The following CFAP44 variants were observed in gnomAD, a reference collection of about 807,000 sequenced individuals.
The protein encoded by CFAP44 is cilia and flagella associated protein 44, also known as cilia- and flagella-associated protein 44.
A neutral mutation model predicts 216.2 loss-of-function variants in CFAP44; 134 were observed. That is an observed-to-expected ratio of 0.62 (90% CI 0.54 to 0.72). The LOEUF (loss-of-function observed/expected upper bound fraction) is 0.72, where lower values mean the gene tolerates loss of function less well. Ranked by LOEUF, CFAP44 falls within the 30% of genes least tolerant of loss-of-function variation. The pLI is 0.00. For missense variants in CFAP44, 2,035 were observed against 2,182.1 expected (o/e 0.93, Z 1.34); for synonymous variants, 700 against 727.6 (o/e 0.96, Z 0.61).
chr3:113,307,260 AT>A (rs1949995147), intron 29 of CFAP44, among the ~76,000 whole-genome samples: 1 of 152,260 alleles, frequency 6.6e-6, no homozygotes, highest in South Asian at 2.1e-4. Flanking sequence ...TAAAATATAT[AT>A]GTAAATTACA....
chr3:113,303,780 G>T, intron 32 of CFAP44, 136 bp downstream of exon 32: 1 of 906,632 alleles, frequency 1.1e-6, no homozygotes, highest in Non-Finnish European at 1.6e-6. Flanking sequence ...GTAGGAAGAT[G>T]TTGTGGTGTT....
intron 34 of CFAP44, among the ~76,000 whole-genome samples, chr3:113,292,812 T>C (rs993547091): frequency 6.6e-6 from 1 of 152,246 alleles, no homozygotes; most frequent in Non-Finnish European, 1.5e-5. Flanking sequence ...TTAGAGCCCA[T>C]GAAAGCTAAA....
At chr3:113,368,407 C>G (rs2107320306) in intron 18 of CFAP44, among the ~76,000 whole-genome samples, 1 of 152,318 alleles carries the variant, frequency 6.6e-6, no homozygotes, top group Non-Finnish European at 1.5e-5. Context: ...AGAAACCCTA[C>G]AAGCCAGAAG....
intron 28 of CFAP44, among the ~76,000 whole-genome samples, chr3:113,310,637 G>T (rs906593694): frequency 6.6e-6 from 1 of 152,196 alleles, no homozygotes; most frequent in Non-Finnish European, 1.5e-5. Context: ...TTGGATCTGT[G>T]TTCCCACCAA....
chr3:113,328,131 TTCTA>T (rs1224712326), intron 26 of CFAP44, among the ~76,000 whole-genome samples: 3 of 151,852 alleles, frequency 2.0e-5, no homozygotes, highest in African/African-American at 4.8e-5. Context: ...TGGGTAGTGT[TTCTA>T]TCTGTCTCCT....
At chr3:113,330,790 G>A in intron 25 of CFAP44, 122 bp from the exon 26 acceptor site, 1 of 1,298,774 alleles carries the variant, frequency 7.7e-7, no homozygotes, top group Non-Finnish European at 1.0e-6. Flanking sequence ...AAATTCATCT[G>A]ATCATACCTT....
intron 22 of CFAP44, among the ~76,000 whole-genome samples, chr3:113,352,557 G>T (rs185990569): frequency 3.5e-4 from 53 of 152,228 alleles, no homozygotes; most frequent in Non-Finnish European, 6.5e-4. Context: ...TGCACAGTTA[G>T]AAAAATATGA....
rs949637589 is a variant in CFAP44, at chr3:113,288,494, G to A, written c.*3063C>T. On this transcript the variant is annotated 3_prime_UTR_variant, in exon 35 of 35. Coordinates refer to ENST00000393845, the MANE Select transcript of CFAP44 (RefSeq NM_001164496.2). ...GTGATTTCAGACAACCTGGCATCAC[G>A]GCCCAGAGCTCACTTCTGGGGTGGG... 6.6e-6 allele frequency: 1 copy of A among 152,170 alleles called. No individual in the cohort carries two copies. The highest frequency in any genetic ancestry group is 2.4e-5 in the African/African-American group (1 of 41,418). The allele number at this position is 152,170 out of a possible 1,614,324, so 9.4% of individuals were successfully genotyped here.
At chr3:113,388,736 A>G (rs1305360721) in intron 15 of CFAP44, among the ~76,000 whole-genome samples, 1 of 152,246 alleles carries the variant, frequency 6.6e-6, no homozygotes. Context: ...TAGAGTAGAA[A>G]TAATTACACT....
In CFAP44 at chr3:113,327,005, AAAAC is replaced by A. The variant is rs375993271; in HGVS notation, c.4321-369_4321-366del. ...GAATTTTTTGTATTGATATATAACTAAAACAAAGAGACATATAATTTCTAGTGAA... is the reference window on the plus strand; with the variant it reads ...GAATTTTTTGTATTGATATATAACTAAAAGAGACATATAATTTCTAGTGAA... On this transcript the variant is annotated intron_variant, in intron 27 of 34. Coordinates refer to ENST00000393845, the MANE Select transcript of CFAP44 (RefSeq NM_001164496.2). Among the ~76,000 whole-genome samples the A allele has an allele frequency of 1.9e-3, 288 of 152,278 alleles. 1 individual carries two copies. Among genetic ancestry groups the A allele is most frequent in the African/African-American group, 5.7e-3 (237 of 41,578 alleles).
At chr3:113,403,752 G>C in intron 9 of CFAP44, 100 bp downstream of exon 9, 2 of 1,337,928 alleles carry the variant, frequency 1.5e-6, no homozygotes, top group Non-Finnish European at 2.0e-6. Flanking sequence ...AATGACTACT[G>C]ATCTCCTTCA....
chr3:113,314,750 G>A (rs1215274227), intron 28 of CFAP44, among the ~76,000 whole-genome samples: 1 of 152,086 alleles, frequency 6.6e-6, no homozygotes, highest in South Asian at 2.1e-4. Flanking sequence ...TTATAAATGG[G>A]GGAGGGTAAA....
Position 113,294,840 on chromosome 3 carries a change from G to C in CFAP44, c.5239-19C>G. ...TCTTTTCCTACCAGGGTGGGAAGAT[G>C]CAAAATAGATGTAGTGAATACGAGA... On this transcript the variant is annotated intron_variant, in intron 33 of 34. Transcript: ENST00000393845. 6.6e-7 allele frequency: 1 copy of C among 1,517,490 alleles called. No homozygotes were observed. Among genetic ancestry groups the C allele is most frequent in the Non-Finnish European group, 8.8e-7 (1 of 1,140,360 alleles). The allele number at this position is 1,517,490 out of a possible 1,614,324, so 94.0% of individuals were successfully genotyped here. A position where few individuals can be genotyped will look rare whatever the true frequency, so the allele number is the denominator to read the frequency against.
chr3:113,429,155 A>G (rs1935038045), intron 2 of CFAP44: 1 of 152,182 alleles, frequency 6.6e-6, no homozygotes, highest in Non-Finnish European at 1.5e-5. Context: ...TACAACAACA[A>G]TATACAAATA....
At chr3:113,373,303 A>ACC in intron 18 of CFAP44, 108 bp downstream of exon 18, 1 of 1,083,110 alleles carries the variant, frequency 9.2e-7, no homozygotes, top group Non-Finnish European at 1.2e-6. Context: ...TTTTTTGAGT[A>ACC]CCCCTTCATT....
At position 113,341,810 on chromosome 3, in the gene CFAP44, T is replaced by A. The variant is rs767886067; in HGVS notation, c.3371A>T (p.Lys1124Ile). 18 of 1,531,254 alleles carry A rather than the reference T, an allele frequency of 1.2e-5. No homozygotes were observed. In the East Asian group the frequency reaches 4.4e-4, roughly 38 times the overall value. 94.9% of individuals were successfully genotyped at this position (1,531,254 alleles called of 1,614,324 possible). Reference protein sequence around the residue: ...IVENQIEKTRKLILKAERAQL... With the variant: ...IVENQIEKTRILILKAERAQL... ...TGCCCTTTCAGCTTTTAATATAAGT[T>A]TTCTCGTTTTCTCAATTTGATTTTC... The change falls in exon 24 of 35, where the codon AAA becomes ATA. Residue 1124 changes from lysine (K) to isoleucine (I), a missense_variant. Transcript: ENST00000393845.
rs149355729 is a variant in CFAP44, at chr3:113,374,442, G to C, written c.2299-886C>G. ...CCAGGGTACATGTGCACACGTGCAG[G>C]TTTGTTACATATATGTGGCAGCTGA... On this transcript the variant is annotated intron_variant, in intron 17 of 34. Coordinates refer to ENST00000393845, the MANE Select transcript of CFAP44 (RefSeq NM_001164496.2). 6.3e-4 allele frequency among the ~76,000 whole-genome samples: 95 copies of C among 151,792 alleles called. 1 individual carries two copies. Among genetic ancestry groups the C allele is most frequent in the African/African-American group, 2.1e-3 (85 of 41,386 alleles).
chr3:113,362,274 G>T (rs1380297362), intron 21 of CFAP44, among the ~76,000 whole-genome samples: 1 of 151,996 alleles, frequency 6.6e-6, no homozygotes, highest in African/African-American at 2.4e-5. Context: ...ATGTGTCTGG[G>T]TGAAGGGACA....
At chr3:113,341,205 T>C (rs1403681433) in intron 24 of CFAP44, among the ~76,000 whole-genome samples, 1 of 152,036 alleles carries the variant, frequency 6.6e-6, no homozygotes, top group Non-Finnish European at 1.5e-5. Context: ...GGGCAGGAAA[T>C]GCCTGTCCTC....
Sources: allele counts gnomAD v4.1 joint callset (sites outside exome capture counted in the v4.1 genomes callset), GRCh38; gene constraint gnomAD v4.1.1; transcripts MANE v1.5; gene names NCBI Gene and HGNC (gene_info 2026-07-23, HGNC 2026-07-21).